Variants in NKAIN2 observed in about 807,000 individuals in gnomAD.
NKAIN2 encodes sodium/potassium-transporting ATPase subunit beta-1-interacting protein 2.
In NKAIN2, 14 loss-of-function variants were observed where a neutral mutation model predicts 32.6. The observed-to-expected ratio is 0.43, with a 90% CI of 0.28 to 0.67. The LOEUF is 0.67. NKAIN2 is among the 30% of genes least tolerant of loss of function. NKAIN2 has a pLI of 0.17. For missense variants in NKAIN2, 198 were observed against 258.3 expected, an observed-to-expected ratio of 0.77 and a Z score of 1.60; for synonymous variants, 80 against 87.2, an observed-to-expected ratio of 0.92 and a Z score of 0.46.
chr6:123,935,963 G>T (rs958184821), intron 1 of NKAIN2, among the ~76,000 whole-genome samples: 1 of 152,068 alleles, frequency 6.6e-6, no homozygotes, highest in Non-Finnish European at 1.5e-5. Context: ...AGAATAAAAA[G>T]AAATGCATCC....
chr6:124,806,912 G>A (rs895750262), intron 5 of NKAIN2, among the ~76,000 whole-genome samples: 7 of 152,076 alleles, frequency 4.6e-5, no homozygotes, highest in Non-Finnish European at 7.4e-5. Context: ...ATAATGGTAA[G>A]GGGATCAATT....
intron 1 of NKAIN2, among the ~76,000 whole-genome samples, chr6:123,918,283 A>G (rs2114482188): frequency 6.6e-6 from 1 of 152,340 alleles, no homozygotes; most frequent in Middle Eastern, 3.4e-3. Flanking sequence ...TGTTGTTAAT[A>G]ATGCAGATTA....
At chr6:124,444,436 C>G (rs925568089) in intron 3 of NKAIN2, among the ~76,000 whole-genome samples, 4 of 151,944 alleles carry the variant, frequency 2.6e-5, no homozygotes, top group African/African-American at 9.7e-5. Flanking sequence ...ATTTTAAATT[C>G]CTAACTGGGA....
intron 1 of NKAIN2, among the ~76,000 whole-genome samples, chr6:124,270,417 G>GAA (rs550399568): frequency 6.7e-6 from 1 of 149,284 alleles, no homozygotes; most frequent in Non-Finnish European, 1.5e-5. Flanking sequence ...CAGCTTTTCA[G>GAA]AAAAAAAAAA....
intron 1 of NKAIN2, among the ~76,000 whole-genome samples, chr6:123,857,398 A>G (rs1410594790): frequency 6.6e-6 from 1 of 152,216 alleles, no homozygotes; most frequent in Non-Finnish European, 1.5e-5. Context: ...TATGGAATTA[A>G]AAACAATCTA....
chr6:124,698,829 C>T (rs191759171), intron 4 of NKAIN2, among the ~76,000 whole-genome samples: 46 of 152,206 alleles, frequency 3.0e-4, no homozygotes, highest in African/African-American at 1.1e-3. Context: ...AGAGAATTTC[C>T]ACAGAAGGTC....
intron 4 of NKAIN2, among the ~76,000 whole-genome samples, chr6:124,759,985 C>T (rs914521650): frequency 6.6e-6 from 1 of 151,658 alleles, no homozygotes; most frequent in African/African-American, 2.4e-5. Flanking sequence ...TTTCATAATC[C>T]CAGGAGAAGT....
intron 1 of NKAIN2, among the ~76,000 whole-genome samples, chr6:124,151,246 T>G (rs1787704554): frequency 6.6e-6 from 1 of 152,166 alleles, no homozygotes; most frequent in East Asian, 1.9e-4. Context: ...ATGAATTTAA[T>G]TCATTTTACA....
chr6:124,303,532 G>A (rs1171356286), intron 2 of NKAIN2, among the ~76,000 whole-genome samples: 2 of 152,176 alleles, frequency 1.3e-5, no homozygotes, highest in African/African-American at 4.8e-5. Context: ...ATAACATTAA[G>A]GTTGCTTTGA....
At chr6:124,680,813 G>A (rs998628001) in intron 4 of NKAIN2, among the ~76,000 whole-genome samples, 4 of 151,716 alleles carry the variant, frequency 2.6e-5, no homozygotes, top group Non-Finnish European at 4.4e-5. Flanking sequence ...TAAAGTGACC[G>A]TCCTTTCCCT....
At chr6:124,590,107 G>A (rs1781855985) in intron 3 of NKAIN2, among the ~76,000 whole-genome samples, 2 of 152,166 alleles carry the variant, frequency 1.3e-5, no homozygotes, top group Admixed American at 1.3e-4. Context: ...GCTGCTGGCT[G>A]TGAGTTGTGG....
Position 124,347,723 on chromosome 6 carries a change from G to C in NKAIN2, c.193-7544G>C, listed in dbSNP as rs923031223. Among the ~76,000 whole-genome samples, 13 of 152,108 alleles carry C rather than the reference G, an allele frequency of 8.5e-5. No individual in the cohort carries two copies. In the East Asian group the frequency reaches 1.9e-3, roughly 23 times the overall value. ...GCACTTCTCTGTATTGGTTATTCTA[G>C]TTATACATTCATCTAAATTTTTTTC... On this transcript the variant is annotated intron_variant, in intron 2 of 6. Transcript: ENST00000368417.
At chr6:124,809,099 C>T (rs1402042410) in intron 5 of NKAIN2, among the ~76,000 whole-genome samples, 1 of 152,172 alleles carries the variant, frequency 6.6e-6, no homozygotes, top group Non-Finnish European at 1.5e-5. Context: ...ATCAAGCTAC[C>T]AATGCCTTTC....
rs534410342 is a variant in NKAIN2, at chr6:123,810,974, G to A, written c.54+6720G>A. On this transcript the variant is annotated intron_variant, in intron 1 of 6. Coordinates refer to ENST00000368417, the MANE Select transcript of NKAIN2 (RefSeq NM_001040214.3). ...CTAGAGTTTCTGACTGCAGAGGCCT[G>A]GGCTAGGACCAGAGAATTTGTATTG... is the stretch of plus-strand genomic sequence containing the variant. Among the ~76,000 whole-genome samples the A allele has an allele frequency of 1.7e-4, 26 of 152,260 alleles. No individual in the cohort carries two copies. The South Asian group carries it at 5.4e-3, about 32-fold the overall frequency.
intron 3 of NKAIN2, among the ~76,000 whole-genome samples, chr6:124,446,296 C>A (rs1354756022): frequency 6.6e-6 from 1 of 151,946 alleles, no homozygotes; most frequent in Admixed American, 6.6e-5. Flanking sequence ...AAAGCTCAAG[C>A]CTCTCTCCAC....
At chr6:124,542,898 AT>A in intron 3 of NKAIN2, among the ~76,000 whole-genome samples, 1 of 152,318 alleles carries the variant, frequency 6.6e-6, no homozygotes, top group African/African-American at 2.4e-5. Flanking sequence ...GAAAAGAAGA[AT>A]TAACAAATAA....
chr6:124,613,241 A>G (rs1250043846), intron 3 of NKAIN2, among the ~76,000 whole-genome samples: 1 of 152,174 alleles, frequency 6.6e-6, no homozygotes, highest in East Asian at 1.9e-4. Flanking sequence ...AGCTGAATAC[A>G]TCAGGTTATC....
At chr6:124,433,507 G>A (rs533851681) in intron 3 of NKAIN2, among the ~76,000 whole-genome samples, 4 of 152,224 alleles carry the variant, frequency 2.6e-5, no homozygotes, top group South Asian at 4.1e-4. Flanking sequence ...ATGATAAAGT[G>A]ATTTATGCTC....
intron 3 of NKAIN2, among the ~76,000 whole-genome samples, chr6:124,615,715 A>T (rs1276296495): frequency 6.6e-6 from 1 of 152,034 alleles, no homozygotes; most frequent in Non-Finnish European, 1.5e-5. Context: ...TTCTTTTGGG[A>T]TTGCAATTAC....
Sources: allele counts gnomAD v4.1 joint callset (sites outside exome capture counted in the v4.1 genomes callset), GRCh38; gene constraint gnomAD v4.1.1; transcripts MANE v1.5; gene names NCBI Gene and HGNC (gene_info 2026-07-23, HGNC 2026-07-21).